The following MACROD2 variants were observed in gnomAD, a reference collection of about 807,000 sequenced individuals.
MACROD2 encodes ADP-ribose glycohydrolase MACROD2.
In MACROD2, 36 loss-of-function variants were observed where a neutral mutation model predicts 70.4. That is an observed-to-expected ratio of 0.51 (90% confidence interval 0.39 to 0.68). The LOEUF is 0.68. MACROD2 is among the 30% of genes least tolerant of loss of function. The pLI, the probability that MACROD2 is intolerant of heterozygous loss-of-function variation, is 0.00. For synonymous variants in MACROD2, 172 were observed against 178.8 expected, an observed-to-expected ratio of 0.96 and a Z score of 0.30; for missense variants, 496 against 538.4, an observed-to-expected ratio of 0.92 and a Z score of 0.78.
intron 5 of MACROD2, among the ~76,000 whole-genome samples, chr20:14,981,136 A>T (rs941419517): frequency 2.0e-5 from 3 of 152,048 alleles, no homozygotes; most frequent in African/African-American, 7.2e-5. Flanking sequence ...TTAGGAAAAA[A>T]ACAAGGATCC....
chr20:14,458,511 T>TTTCTGTGGCC (rs2084330292), intron 3 of MACROD2, among the ~76,000 whole-genome samples: 1 of 152,122 alleles, frequency 6.6e-6, no homozygotes, highest in African/African-American at 2.4e-5. Flanking sequence ...TGGTTGATGT[T>TTTCTGTGGCC]TTCTGTGGCC....
intron 8 of MACROD2, among the ~76,000 whole-genome samples, chr20:15,849,825 G>A (rs1008971258): frequency 6.6e-6 from 1 of 152,128 alleles, no homozygotes; most frequent in South Asian, 2.1e-4. Context: ...GGTGACATGA[G>A]CGCTGCATGT....
chr20:15,832,052 G>A (rs532552266), intron 8 of MACROD2, among the ~76,000 whole-genome samples: 1 of 152,298 alleles, frequency 6.6e-6, no homozygotes, highest in Non-Finnish European at 1.5e-5. Context: ...ACCTACGTAT[G>A]TTCTTTGTCG....
At chr20:15,153,069 T>C (rs949280954) in intron 5 of MACROD2, among the ~76,000 whole-genome samples, 3 of 152,068 alleles carry the variant, frequency 2.0e-5, no homozygotes, top group African/African-American at 7.3e-5. Flanking sequence ...CGTAGGTGGA[T>C]CTTTCTCATG....
chr20:14,143,548 C>T (rs2054904565), intron 3 of MACROD2, among the ~76,000 whole-genome samples: 2 of 151,838 alleles, frequency 1.3e-5, no homozygotes, highest in African/African-American at 4.8e-5. Flanking sequence ...TTGATGACCA[C>T]TTGCTTGGAG....
intron 6 of MACROD2, among the ~76,000 whole-genome samples, chr20:15,414,173 C>T (rs1373082270): frequency 1.3e-5 from 2 of 152,082 alleles, no homozygotes; most frequent in Non-Finnish European, 2.9e-5. Context: ...GGACACTTTA[C>T]TGATATAAGG....
intron 11 of MACROD2, among the ~76,000 whole-genome samples, chr20:15,934,400 G>A (rs2065626031): frequency 6.6e-6 from 1 of 152,200 alleles, no homozygotes; most frequent in South Asian, 2.1e-4. Context: ...AGGACTTTGT[G>A]TACCTGTGAC....
intron 5 of MACROD2, among the ~76,000 whole-genome samples, chr20:14,728,660 A>C (rs1410845114): frequency 6.6e-6 from 1 of 152,182 alleles, no homozygotes; most frequent in East Asian, 1.9e-4. Flanking sequence ...CAGTAATTTC[A>C]GTTTTGTAAA....
intron 5 of MACROD2, chr20:15,021,499 T>C (rs1051070355): frequency 3.3e-5 from 5 of 150,984 alleles, no homozygotes; most frequent in African/African-American, 9.7e-5. Context: ...CATATATGTA[T>C]ACATATATGC....
At chr20:14,040,530 C>A (rs747947556) in intron 2 of MACROD2, among the ~76,000 whole-genome samples, 4 of 151,988 alleles carry the variant, frequency 2.6e-5, no homozygotes, top group Non-Finnish European at 5.9e-5. Flanking sequence ...TACACTGTAC[C>A]CAATGTATAA....
At chr20:14,058,702 G>A (rs1329438081) in intron 2 of MACROD2, among the ~76,000 whole-genome samples, 1 of 146,298 alleles carries the variant, frequency 6.8e-6, no homozygotes, top group African/African-American at 2.6e-5. Flanking sequence ...GGAGTGCAGT[G>A]GCGTGATCTC....
intron 8 of MACROD2, among the ~76,000 whole-genome samples, chr20:15,815,544 G>A (rs2063864691): frequency 6.6e-6 from 1 of 152,130 alleles, no homozygotes; most frequent in Non-Finnish European, 1.5e-5. Context: ...CAAGAAATGG[G>A]AGAGAATAGT....
chr20:14,979,118 A>AT (rs57914459), intron 5 of MACROD2, among the ~76,000 whole-genome samples: 2 of 142,810 alleles, frequency 1.4e-5, no homozygotes, highest in Admixed American at 1.4e-4. Flanking sequence ...TACCCAGCTA[A>AT]TTTTTTTTTT....
intron 5 of MACROD2, among the ~76,000 whole-genome samples, chr20:14,915,221 T>G (rs1474485188): frequency 6.6e-6 from 1 of 152,216 alleles, no homozygotes; most frequent in Non-Finnish European, 1.5e-5. Context: ...AATTTAGCCA[T>G]GGCTCTTACG....
At chr20:14,112,688 T>C (rs2054467104) in intron 3 of MACROD2, among the ~76,000 whole-genome samples, 1 of 151,984 alleles carries the variant, frequency 6.6e-6, no homozygotes, top group Non-Finnish European at 1.5e-5. Context: ...ATCTGGATGG[T>C]ATTCATTTTC....
At position 14,812,698 on chromosome 20, in the gene MACROD2, G is replaced by A. The variant is rs558990195; in HGVS notation, c.418+127739G>A. Among the ~76,000 whole-genome samples, 73 of 151,906 alleles carry A rather than the reference G, an allele frequency of 4.8e-4. 1 individual carries two copies. The Middle Eastern group carries it at 0.014, about 29-fold the overall frequency. ...GGAAAAACCAAAGTGTTTTTTCTCC[G>A]CTCAAACATCACTCAACACAACACT... On this transcript the variant is annotated intron_variant, in intron 5 of 17. Coordinates refer to ENST00000684519, the MANE Select transcript of MACROD2 (RefSeq NM_001351661.2).
At chr20:15,854,799 A>T (rs1026191726) in intron 8 of MACROD2, among the ~76,000 whole-genome samples, 4 of 152,172 alleles carry the variant, frequency 2.6e-5, no homozygotes, top group Admixed American at 2.0e-4. Context: ...TACTCTGAGT[A>T]CTGGGGAAAC....
chr20:15,634,884 G>A (rs1244648959), intron 8 of MACROD2, among the ~76,000 whole-genome samples: 1 of 152,204 alleles, frequency 6.6e-6, no homozygotes, highest in Non-Finnish European at 1.5e-5. Flanking sequence ...TAAAGTTAAG[G>A]CAAAGGCCAT....
In MACROD2 at chr20:15,000,038, T is replaced by C. The variant is rs8119689; in HGVS notation, c.419-229902T>C. Among the ~76,000 whole-genome samples, 1,067 of 152,304 alleles carry C rather than the reference T, an allele frequency of 7.0e-3. 22 individuals are homozygous for C. The highest frequency in any genetic ancestry group is 0.024 in the African/African-American group (1,009 of 41,572). Reference sequence around the variant, plus strand: ...GAAGGGATGCATACTAAATTCATCATTGCAGTTACTCTTGGAAAGTGGAAT... The same window carrying C: ...GAAGGGATGCATACTAAATTCATCACTGCAGTTACTCTTGGAAAGTGGAAT... On this transcript the variant is annotated intron_variant, in intron 5 of 17. Coordinates refer to ENST00000684519, the MANE Select transcript of MACROD2 (RefSeq NM_001351661.2).
Sources: allele counts gnomAD v4.1 joint callset (sites outside exome capture counted in the v4.1 genomes callset), GRCh38; gene constraint gnomAD v4.1.1; transcripts MANE v1.5; gene names NCBI Gene and HGNC (gene_info 2026-07-23, HGNC 2026-07-21).